The following LRP11 variants were observed in gnomAD, a reference collection of about 807,000 sequenced individuals.
The protein encoded by LRP11 is low-density lipoprotein receptor-related protein 11.
Under a neutral mutation model 43.1 loss-of-function variants are expected in LRP11, and 25 were observed. That is an observed-to-expected ratio of 0.58 (90% CI 0.42 to 0.81). The LOEUF (loss-of-function observed/expected upper bound fraction) is 0.81, where lower values mean the gene tolerates loss of function less well. Ranked by LOEUF, LRP11 falls within the 30% of genes least tolerant of loss-of-function variation. LRP11 has a pLI of 0.00. For synonymous variants in LRP11, 316 were observed against 299.4 expected, an observed-to-expected ratio of 1.06 and a Z score of -0.57; for missense variants, 623 against 665.1, an observed-to-expected ratio of 0.94 and a Z score of 0.70.
At chr6:149,824,452 T>C (rs1429339080) in intron 6 of LRP11, among the ~76,000 whole-genome samples, 1 of 152,228 alleles carries the variant, frequency 6.6e-6, no homozygotes, top group South Asian at 2.1e-4. Flanking sequence ...GTTTGGATAA[T>C]TTGAGATTTA....
At chr6:149,855,628 G>T (rs1776786298) in intron 1 of LRP11, among the ~76,000 whole-genome samples, 1 of 151,918 alleles carries the variant, frequency 6.6e-6, no homozygotes, top group Non-Finnish European at 1.5e-5. Context: ...TTATGTGAGG[G>T]GTCTGGGGCT....
At chr6:149,855,713 A>T (rs552476586) in intron 1 of LRP11, among the ~76,000 whole-genome samples, 1,258 of 107,918 alleles carry the variant, frequency 0.012, 7 homozygotes, top group African/African-American at 0.043. Flanking sequence ...TTTTTTTTTT[A>T]AAAAAAAAAC....
rs1307299903 is a variant in LRP11, at chr6:149,827,723, C to A, written c.1253-1364G>T. ...ACTGCAGTAGCCACGACAGTGGTCA[C>A]CAAGGACCTCTCCAGCTACCTGGAT... is the stretch of plus-strand genomic sequence containing the variant. On this transcript the variant is annotated intron_variant, in intron 5 of 6. Coordinates refer to ENST00000239367, the MANE Select transcript of LRP11 (RefSeq NM_032832.6). The surrounding 1 kb of genome is among the most constrained non-coding windows in gnomAD (Gnocchi z 4.2). 6.6e-6 allele frequency among the ~76,000 whole-genome samples: 1 copy of A among 152,224 alleles called. No homozygotes were observed. Among genetic ancestry groups the A allele is most frequent in the Non-Finnish European group, 1.5e-5 (1 of 68,028 alleles).
In LRP11 at chr6:149,863,921, T is replaced by TTGGCAGCCACAGGCAGAGCAG; in HGVS notation, c.79_99dup (p.Leu27_Pro33dup). On this transcript the variant is annotated inframe_insertion, in exon 1 of 7. Transcript: ENST00000239367. ...GCGGGCGGCAAGGCCGCACGGCCGC[T>TTGGCAGCCACAGGCAGAGCAG]TGGCAGCCACAGGCAGAGCAGTAGC... 6.8e-7 allele frequency: 1 copy of TTGGCAGCCACAGGCAGAGCAG among 1,480,200 alleles called. No individual in the cohort carries two copies. The highest frequency in any genetic ancestry group is 1.5e-5 in the African/African-American group (1 of 68,440). The allele number at this position is 1,480,200 out of a possible 1,614,324, so 91.7% of individuals were successfully genotyped here. A position where few individuals can be genotyped will look rare whatever the true frequency, so the allele number is the denominator to read the frequency against.
intron 6 of LRP11, among the ~76,000 whole-genome samples, chr6:149,822,902 C>G (rs1316440218): frequency 1.3e-5 from 2 of 152,082 alleles, no homozygotes; most frequent in Non-Finnish European, 2.9e-5. Context: ...GGAATTTTCT[C>G]TTAGGCTTTT....
Position 149,826,298 on chromosome 6 carries a change from A to G in LRP11, c.1314T>C (p.Asp438=), listed in dbSNP as rs1776338475. Residue 438 remains aspartate, a synonymous_variant, in exon 6 of 7, where the codon GAT becomes GAC. Coordinates refer to ENST00000239367, the MANE Select transcript of LRP11 (RefSeq NM_032832.6). ...EESYIFESKG[D]GGGGEHPAPE... is the part of the protein sequence containing the mutation. Reference sequence around the variant, plus strand: ...GGGCTGGGTGTTCCCCTCCTCCTCCATCACCCTTTGACTCAAATATATAAC... The same window carrying G: ...GGGCTGGGTGTTCCCCTCCTCCTCCGTCACCCTTTGACTCAAATATATAAC... The G allele has an allele frequency of 6.2e-7, 1 of 1,613,782 alleles. No individual in the cohort carries two copies. Among genetic ancestry groups the G allele is most frequent in the Non-Finnish European group, 8.5e-7 (1 of 1,179,706 alleles).
At chr6:149,862,791 G>A (rs1214617014) in intron 1 of LRP11, among the ~76,000 whole-genome samples, 1 of 151,946 alleles carries the variant, frequency 6.6e-6, no homozygotes, top group African/African-American at 2.4e-5. Context: ...CATTGGTCAG[G>A]CAGGTCTCAA....
At chr6:149,843,875 AT>A (rs1183978076) in intron 2 of LRP11, among the ~76,000 whole-genome samples, 1 of 152,042 alleles carries the variant, frequency 6.6e-6, no homozygotes, top group Non-Finnish European at 1.5e-5. Flanking sequence ...TTTCCCCACC[AT>A]CCCCCTGAAA....
Position 149,863,886 on chromosome 6 carries a change from C to G in LRP11, c.135G>C (p.Leu45=), listed in dbSNP as rs746258999. Residue 45 remains leucine (L), a synonymous_variant, in exon 1 of 7, where the codon CTG becomes CTC. Coordinates refer to ENST00000239367, the MANE Select transcript of LRP11 (RefSeq NM_032832.6). ...CCGACAGCTGCGCGTGCAGTTCGGACAGCGGCGCCGCGGGCGGCAAGGCCG... is the reference window on the plus strand; with the variant it reads ...CCGACAGCTGCGCGTGCAGTTCGGAGAGCGGCGCCGCGGGCGGCAAGGCCG... ...GRAALPPAAP[L]SELHAQLSGV... is the part of the protein sequence containing the mutation. The G allele has an allele frequency of 1.3e-6, 2 of 1,494,926 alleles. No homozygotes were observed. Among genetic ancestry groups the G allele is most frequent in the South Asian group, 1.3e-5 (1 of 79,920 alleles). The allele number at this position is 1,494,926 out of a possible 1,614,324, so 92.6% of individuals were successfully genotyped here.
chr6:149,860,250 G>A (rs951851937), intron 1 of LRP11, among the ~76,000 whole-genome samples: 2 of 152,108 alleles, frequency 1.3e-5, no homozygotes, highest in Non-Finnish European at 2.9e-5. Flanking sequence ...GACACACAAG[G>A]CAAGGGGCCC....
Position 149,826,178 on chromosome 6 carries a change from A to T in LRP11, c.1348+86T>A, listed in dbSNP as rs771275811. 5.8e-6 allele frequency: 6 copies of T among 1,025,740 alleles called. No homozygotes were observed. The African/African-American group carries it at 9.5e-5, about 16-fold the overall frequency. The allele number at this position is 1,025,740 out of a possible 1,614,324, so 63.5% of individuals were successfully genotyped here. ...CGGACTCCTCCTGTCCTGAGCTCTC[A>T]TGGCCTCAGGGAATATCCTCAGCCA... On this transcript the variant is annotated intron_variant, in intron 6 of 6. Coordinates refer to ENST00000239367, the MANE Select transcript of LRP11 (RefSeq NM_032832.6).
At chr6:149,849,729 T>C (rs1776691209) in intron 2 of LRP11, among the ~76,000 whole-genome samples, 1 of 152,180 alleles carries the variant, frequency 6.6e-6, no homozygotes. Context: ...AGAGACCCTG[T>C]CAATGAATGA....
chr6:149,827,342 T>A lies in LRP11; in HGVS notation c.1253-983A>T, dbSNP rs918839671. Among the ~76,000 whole-genome samples the A allele has an allele frequency of 4.6e-5, 7 of 152,228 alleles. No homozygotes were observed. The highest frequency in any genetic ancestry group is 1.7e-4 in the African/African-American group (7 of 41,464). On this transcript the variant is annotated intron_variant, in intron 5 of 6. Transcript: ENST00000239367. The surrounding 1 kb of genome is among the most constrained non-coding windows in gnomAD (Gnocchi z 4.2). ...TTTTATTGAGAAAATTTTTAAAGCT[T>A]CTTTACTCATATGGCATCAACATAA...
At position 149,864,091 on chromosome 6, in the gene LRP11, C is replaced by T. The variant is rs1776996247; in HGVS notation, c.-71G>A. ...GGAGGAAGGCGGGGACGCGGGCGAG[C>T]GCGGGCCCTGGGCCCCTCCTGCGCG... On this transcript the variant is annotated 5_prime_UTR_variant, in exon 1 of 7. Coordinates refer to ENST00000239367, the MANE Select transcript of LRP11 (RefSeq NM_032832.6). The T allele has an allele frequency of 8.1e-7, 1 of 1,231,052 alleles. No individual in the cohort carries two copies. The highest frequency in any genetic ancestry group is 1.0e-6 in the Non-Finnish European group (1 of 990,020). The allele number at this position is 1,231,052 out of a possible 1,614,324, so 76.3% of individuals were successfully genotyped here. A position where few individuals can be genotyped will look rare whatever the true frequency, so the allele number is the denominator to read the frequency against.
At chr6:149,838,694 A>G (rs1776504921) in intron 3 of LRP11, among the ~76,000 whole-genome samples, 1 of 151,988 alleles carries the variant, frequency 6.6e-6, no homozygotes, top group Non-Finnish European at 1.5e-5. Flanking sequence ...CAAAAAAAAA[A>G]AAAAAGAAAG....
intron 1 of LRP11, among the ~76,000 whole-genome samples, chr6:149,854,977 T>A (rs1383476848): frequency 6.6e-6 from 1 of 152,148 alleles, no homozygotes; most frequent in African/African-American, 2.4e-5. Context: ...TCTGACGGGG[T>A]CATTCTGCGA....
intron 5 of LRP11, among the ~76,000 whole-genome samples, chr6:149,834,395 T>C (rs1776446704): frequency 6.6e-6 from 1 of 152,184 alleles, no homozygotes; most frequent in Non-Finnish European, 1.5e-5. Flanking sequence ...AGATATGAAG[T>C]GACTTATTCA....
At chr6:149,844,347 T>A (rs1776597672) in intron 2 of LRP11, among the ~76,000 whole-genome samples, 1 of 152,068 alleles carries the variant, frequency 6.6e-6, no homozygotes. Flanking sequence ...TTCCTTGGCC[T>A]CCTTTTCTAT....
chr6:149,849,926 T>C (rs1028394439), intron 2 of LRP11, among the ~76,000 whole-genome samples: 4 of 152,158 alleles, frequency 2.6e-5, no homozygotes, highest in Non-Finnish European at 5.9e-5. Context: ...CATGAAAAGA[T>C]GGGCCCTAGA....
Sources: allele counts gnomAD v4.1 joint callset (sites outside exome capture counted in the v4.1 genomes callset), GRCh38; gene constraint gnomAD v4.1.1; non-coding constraint Gnocchi (gnomAD v3.1); transcripts MANE v1.5; gene names NCBI Gene and HGNC (gene_info 2026-07-23, HGNC 2026-07-21).